The following MARCHF1 variants were observed in gnomAD, a reference collection of about 807,000 sequenced individuals.
MARCHF1 encodes E3 ubiquitin-protein ligase MARCHF1.
In MARCHF1, 40 loss-of-function variants were observed where a neutral mutation model predicts 54.2. The ratio of observed to expected loss-of-function variants is 0.74; its 90% CI spans 0.57 to 0.96. The LOEUF (loss-of-function observed/expected upper bound fraction) is 0.96, where lower values mean the gene tolerates loss of function less well. Among genes scored for constraint, MARCHF1 ranks in the 40% least tolerant of loss-of-function variants. The probability of loss-of-function intolerance (pLI) is 0.00; values close to 1 mark genes in which losing one functional copy is unlikely to be tolerated. For synonymous variants in MARCHF1, 236 were observed against 236.3 expected, an observed-to-expected ratio of 1.00 and a Z score of 0.01; for missense variants, 586 against 656.5, an observed-to-expected ratio of 0.89 and a Z score of 1.17.
chr4:164,241,335 T>C (rs1732740836), intron 1 of MARCHF1, among the ~76,000 whole-genome samples: 2 of 152,158 alleles, frequency 1.3e-5, no homozygotes. Flanking sequence ...TCAGCTGCCC[T>C]GCGATAATTA....
chr4:164,168,085 C>T (rs80283494), intron 1 of MARCHF1, among the ~76,000 whole-genome samples: 26,795 of 151,746 alleles, frequency 0.18, 3,611 homozygotes, highest in African/African-American at 0.37. Context: ...AAAAACCAAA[C>T]TGATTGAAAA....
intron 1 of MARCHF1, among the ~76,000 whole-genome samples, chr4:164,287,536 T>G (rs779890966): frequency 6.6e-6 from 1 of 152,156 alleles, no homozygotes; most frequent in East Asian, 1.9e-4. Context: ...TCACCAAGAC[T>G]TTATCGCTCT....
intron 1 of MARCHF1, among the ~76,000 whole-genome samples, chr4:164,219,778 C>CA (rs1732038774): frequency 1.3e-5 from 2 of 151,594 alleles, no homozygotes; most frequent in Non-Finnish European, 2.9e-5. Context: ...ATAAAAAGGA[C>CA]GAAAAAATGA....
At chr4:164,323,891 C>A (rs932001137) in intron 1 of MARCHF1, among the ~76,000 whole-genome samples, 10 of 151,602 alleles carry the variant, frequency 6.6e-5, no homozygotes, top group African/African-American at 2.4e-4. Context: ...GGATTCAGAG[C>A]AAATTCTGTC....
chr4:164,138,506 T>C (rs1455205821), intron 1 of MARCHF1, among the ~76,000 whole-genome samples: 1 of 152,154 alleles, frequency 6.6e-6, no homozygotes, highest in Non-Finnish European at 1.5e-5. Context: ...ATATAGGTGT[T>C]CTTGGAGGAC....
intron 1 of MARCHF1, chr4:164,383,510 G>A (rs1296458743): frequency 5.3e-5 from 8 of 152,328 alleles, no homozygotes; most frequent in Non-Finnish European, 1.2e-4. Context: ...CTAGTACCAC[G>A]CCGGTGTAAA....
At chr4:163,932,580 A>T (rs1345472044) in intron 3 of MARCHF1, 3 of 378,442 alleles carry the variant, frequency 7.9e-6, no homozygotes, top group Admixed American at 6.9e-5. Context: ...CTATGATGAC[A>T]TGGGTACCTG....
intron 1 of MARCHF1, among the ~76,000 whole-genome samples, chr4:164,210,301 T>C (rs1731728742): frequency 6.6e-6 from 1 of 152,106 alleles, no homozygotes; most frequent in Admixed American, 6.5e-5. Context: ...AGAGGTAAAA[T>C]TGACACAGCT....
intron 3 of MARCHF1, among the ~76,000 whole-genome samples, chr4:163,903,421 G>C (rs549649403): frequency 6.6e-6 from 1 of 152,206 alleles, no homozygotes; most frequent in South Asian, 2.1e-4. Flanking sequence ...TCAAACAAAA[G>C]GAGATAAGCA....
At chr4:164,303,061 T>A (rs1458625613) in intron 1 of MARCHF1, among the ~76,000 whole-genome samples, 1 of 152,160 alleles carries the variant, frequency 6.6e-6, no homozygotes, top group African/African-American at 2.4e-5. Flanking sequence ...CTGGAGTGGT[T>A]GGACACCATT....
intron 1 of MARCHF1, among the ~76,000 whole-genome samples, chr4:164,335,639 A>T (rs1579730280): frequency 6.6e-6 from 1 of 151,506 alleles, no homozygotes; most frequent in Non-Finnish European, 1.5e-5. Flanking sequence ...AGCAACCAAC[A>T]CCCTGATCGG....
chr4:164,111,138 A>G (rs1451381329), intron 2 of MARCHF1, among the ~76,000 whole-genome samples: 1 of 151,882 alleles, frequency 6.6e-6, no homozygotes, highest in East Asian at 1.9e-4. Context: ...CCTTGAATGT[A>G]TAATCCAAGT....
intron 1 of MARCHF1, among the ~76,000 whole-genome samples, chr4:164,205,582 A>G (rs1354775982): frequency 6.6e-6 from 1 of 152,208 alleles, no homozygotes; most frequent in Non-Finnish European, 1.5e-5. Flanking sequence ...ATTGTTCTAA[A>G]TGAGTAATCA....
At chr4:164,382,023 C>T (rs939953528) in intron 1 of MARCHF1, among the ~76,000 whole-genome samples, 6 of 152,192 alleles carry the variant, frequency 3.9e-5, no homozygotes, top group African/African-American at 1.4e-4. Context: ...GTGACATAAT[C>T]AGACATATAA....
chr4:164,315,393 C>T (rs1164388009), intron 1 of MARCHF1, among the ~76,000 whole-genome samples: 2 of 152,066 alleles, frequency 1.3e-5, no homozygotes, highest in African/African-American at 2.4e-5. Flanking sequence ...CTTAATACAC[C>T]AATGGGCAAT....
chr4:164,185,531 G>T (rs1170339830), intron 1 of MARCHF1, among the ~76,000 whole-genome samples: 1 of 152,026 alleles, frequency 6.6e-6, no homozygotes, highest in African/African-American at 2.4e-5. Context: ...AGTACTGAGA[G>T]ACATAAGGAT....
At chr4:163,848,717 C>T (rs556840678) in intron 4 of MARCHF1, among the ~76,000 whole-genome samples, 7 of 152,252 alleles carry the variant, frequency 4.6e-5, no homozygotes, top group African/African-American at 1.7e-4. Flanking sequence ...CCACTTCCCG[C>T]CCTTAGGTTA....
At chr4:163,928,150 A>G (rs1751579041) in intron 3 of MARCHF1, among the ~76,000 whole-genome samples, 1 of 151,904 alleles carries the variant, frequency 6.6e-6, no homozygotes, top group African/African-American at 2.4e-5. Context: ...GAAAAAATGG[A>G]AAGAAAGTGC....
chr4:164,334,715 G>A (rs1057160012), intron 1 of MARCHF1, among the ~76,000 whole-genome samples: 1 of 152,200 alleles, frequency 6.6e-6, no homozygotes, highest in African/African-American at 2.4e-5. Flanking sequence ...ATTTCTTTAG[G>A]CTATAGCTTC....
Sources: allele counts gnomAD v4.1 joint callset (sites outside exome capture counted in the v4.1 genomes callset), GRCh38; gene constraint gnomAD v4.1.1; transcripts MANE v1.5; gene names NCBI Gene and HGNC (gene_info 2026-07-23, HGNC 2026-07-21).